SNX7: variants seen among roughly 807,000 people sequenced by gnomAD.
SNX7 encodes sorting nexin-7.
In SNX7, 35 loss-of-function variants were observed where a neutral mutation model predicts 48.4. The observed-to-expected ratio is 0.72, with a 90% confidence interval of 0.55 to 0.96. SNX7 has a LOEUF of 0.96. Among genes scored for constraint, SNX7 ranks in the 40% least tolerant of loss-of-function variants. SNX7 has a pLI of 0.00. For synonymous variants in SNX7, 190 were observed against 190.2 expected (o/e 1.00, Z 0.01); for missense variants, 553 against 548.9 (o/e 1.01, Z -0.07).
At chr1:98,741,221 C>CA (rs1022615040) in intron 8 of SNX7, among the ~76,000 whole-genome samples, 2 of 152,096 alleles carry the variant, frequency 1.3e-5, no homozygotes, top group African/African-American at 2.4e-5. Context: ...GGTATACATA[C>CA]ATTTGCCTTT....
intron 2 of SNX7, among the ~76,000 whole-genome samples, chr1:98,685,656 T>C (rs759217075): frequency 1.4e-4 from 22 of 152,166 alleles, no homozygotes; most frequent in Non-Finnish European, 2.9e-4. Context: ...AGTCCTTTAT[T>C]TAATAGCATT....
At chr1:98,682,931 G>C (rs1650579965) in intron 1 of SNX7, among the ~76,000 whole-genome samples, 1 of 151,880 alleles carries the variant, frequency 6.6e-6, no homozygotes, top group Admixed American at 6.6e-5. Context: ...TGTTCTTTTG[G>C]TTCACATAGT....
intron 7 of SNX7, among the ~76,000 whole-genome samples, chr1:98,709,773 G>C (rs1247217522): frequency 6.6e-6 from 1 of 152,038 alleles, no homozygotes; most frequent in African/African-American, 2.4e-5. Context: ...CCCCAATTCT[G>C]ATCCACTTCT....
At chr1:98,712,741 G>C (rs938998748) in intron 7 of SNX7, among the ~76,000 whole-genome samples, 3 of 152,132 alleles carry the variant, frequency 2.0e-5, no homozygotes, top group Non-Finnish European at 2.9e-5. Context: ...TTTGAAGCTA[G>C]GCATTGACTT....
intron 7 of SNX7, among the ~76,000 whole-genome samples, chr1:98,711,800 G>A (rs1311580451): frequency 1.3e-5 from 2 of 152,162 alleles, no homozygotes; most frequent in African/African-American, 4.8e-5. Context: ...TGAATTCCCC[G>A]TAGCATGCAA....
At chr1:98,720,064 A>G (rs1474270335) in intron 7 of SNX7, among the ~76,000 whole-genome samples, 2 of 151,788 alleles carry the variant, frequency 1.3e-5, no homozygotes, top group South Asian at 2.1e-4. Context: ...TGCAACGATG[A>G]TAAGACTTTC....
At chr1:98,752,504 A>G (rs1185205749) in intron 8 of SNX7, among the ~76,000 whole-genome samples, 1 of 152,022 alleles carries the variant, frequency 6.6e-6, no homozygotes. Flanking sequence ...ACAGGCCTAG[A>G]AAAAAACCAT....
intron 8 of SNX7, among the ~76,000 whole-genome samples, chr1:98,759,411 TTA>T (rs1247541883): frequency 3.3e-5 from 5 of 151,988 alleles, no homozygotes; most frequent in African/African-American, 1.2e-4. Context: ...ACATTTATGT[TTA>T]TGTGTTCCCA....
chr1:98,716,060 G>A (rs1652574107), intron 7 of SNX7, among the ~76,000 whole-genome samples: 2 of 152,136 alleles, frequency 1.3e-5, no homozygotes, highest in South Asian at 4.1e-4. Context: ...CGTATTTGTA[G>A]TTCCCTTTCT....
chr1:98,685,409 A>C (rs1650738873), intron 2 of SNX7, among the ~76,000 whole-genome samples: 1 of 152,210 alleles, frequency 6.6e-6, no homozygotes, highest in Non-Finnish European at 1.5e-5. Context: ...ATGCTTAAAC[A>C]GTTCGCAATA....
intron 6 of SNX7, 40 bp from the exon 7 acceptor site, chr1:98,701,777 C>G: frequency 7.3e-7 from 1 of 1,377,128 alleles, no homozygotes; most frequent in Non-Finnish European, 1.0e-6. Flanking sequence ...ATTATTAAAA[C>G]TAAGTACAGC....
chr1:98,695,293 C>T (rs1271185868), intron 4 of SNX7, among the ~76,000 whole-genome samples: 1 of 152,052 alleles, frequency 6.6e-6, no homozygotes, highest in Non-Finnish European at 1.5e-5. Flanking sequence ...AGACTATATA[C>T]CTGTTTTACA....
At chr1:98,669,282 A>G (rs1363572739) in intron 1 of SNX7, among the ~76,000 whole-genome samples, 1 of 152,184 alleles carries the variant, frequency 6.6e-6, no homozygotes, top group Non-Finnish European at 1.5e-5. Context: ...CTCTGGAATT[A>G]GTGCCTCCTT....
chr1:98,757,212 C>A (rs1654898336), intron 8 of SNX7, among the ~76,000 whole-genome samples: 1 of 152,094 alleles, frequency 6.6e-6, no homozygotes, highest in Non-Finnish European at 1.5e-5. Context: ...ATAAATTACC[C>A]AGTCTCAGGT....
At chr1:98,665,289 A>G (rs1246120719) in intron 1 of SNX7, among the ~76,000 whole-genome samples, 1 of 152,200 alleles carries the variant, frequency 6.6e-6, no homozygotes, top group Non-Finnish European at 1.5e-5. Flanking sequence ...ATGAAATGCA[A>G]TAATGGTTCC....
chr1:98,701,518 T>C (rs1028501145), intron 6 of SNX7, among the ~76,000 whole-genome samples: 1 of 152,120 alleles, frequency 6.6e-6, no homozygotes, highest in Non-Finnish European at 1.5e-5. Flanking sequence ...TTTGAAGAAT[T>C]GTACATGCGT....
intron 1 of SNX7, among the ~76,000 whole-genome samples, chr1:98,667,015 A>G (rs1015654183): frequency 6.6e-6 from 1 of 152,220 alleles, no homozygotes; most frequent in Non-Finnish European, 1.5e-5. Flanking sequence ...ATGTGCCCTC[A>G]GCCATCAAGT....
Position 98,695,638 on chromosome 1 carries a change from A to T in SNX7, c.760A>T (p.Asn254Tyr), listed in dbSNP as rs1557803488. Reference protein sequence around the residue: ...KNRPEEFMEMNNFIELFSQKI... With the variant: ...KNRPEEFMEMYNFIELFSQKI... ...CCGCCCAGAGGAGTTCATGGAAATG[A>T]ATAACTTTATTGAACTATTTAGCCA... Residue 254 changes from asparagine to tyrosine, a missense_variant, in exon 5 of 9, where the codon AAT becomes TAT. Physicochemically the swap from Asn to Tyr is moderately radical, Grantham distance 143 (BLOSUM62 -2). Transcript: ENST00000306121. 6.2e-7 allele frequency: 1 copy of T among 1,612,596 alleles called. No individual in the cohort carries two copies. Among genetic ancestry groups the T allele is most frequent in the Non-Finnish European group, 8.5e-7 (1 of 1,178,594 alleles).
At chr1:98,731,193 T>C (rs995958446) in intron 7 of SNX7, among the ~76,000 whole-genome samples, 4 of 151,510 alleles carry the variant, frequency 2.6e-5, no homozygotes, top group African/African-American at 4.9e-5. Context: ...CTCCAAAGTA[T>C]AGGAATACTG....
Sources: allele counts gnomAD v4.1 joint callset (sites outside exome capture counted in the v4.1 genomes callset), GRCh38; gene constraint gnomAD v4.1.1; transcripts MANE v1.5; gene names NCBI Gene and HGNC (gene_info 2026-07-23, HGNC 2026-07-21).